The following HPCAL1 variants were observed in gnomAD, a reference collection of about 807,000 sequenced individuals.
HPCAL1 encodes the protein hippocalcin like 1.
A neutral mutation model predicts 17.1 loss-of-function variants in HPCAL1; 8 were observed. That is an observed-to-expected ratio of 0.47 (90% CI 0.27 to 0.84). The LOEUF is 0.84. Among genes scored for constraint, HPCAL1 ranks in the 40% least tolerant of loss-of-function variants. The probability of loss-of-function intolerance (pLI) is 0.13; values close to 1 mark genes in which losing one functional copy is unlikely to be tolerated. For synonymous variants in HPCAL1, 112 were observed against 111.4 expected, an observed-to-expected ratio of 1.01 and a Z score of -0.03; for missense variants, 165 against 271.1, an observed-to-expected ratio of 0.61 and a Z score of 2.75.
chr2:10,403,454 TTGTGTGTGTGTGTGTGTGTGTGTG>T (rs70948890), intron 2 of HPCAL1, among the ~76,000 whole-genome samples: 2 of 65,106 alleles, frequency 3.1e-5, no homozygotes, highest in Non-Finnish European at 5.1e-5. Flanking sequence ...AAGAGTTCTT[TTGTGTGTGTGTGTGTGTGTGTGTG>T]TGTGTGTGTG....
chr2:10,404,909 C>T (rs1019883949), intron 2 of HPCAL1, among the ~76,000 whole-genome samples: 3 of 152,006 alleles, frequency 2.0e-5, no homozygotes, highest in African/African-American at 7.2e-5. Flanking sequence ...GAGATTCCAC[C>T]GAGCCCAGGC....
intron 1 of HPCAL1, among the ~76,000 whole-genome samples, chr2:10,346,892 G>T (rs1221967703): frequency 7.7e-6 from 1 of 130,434 alleles, no homozygotes; most frequent in Admixed American, 1.0e-4. Context: ...TCTAACTGGG[G>T]TCAGGACCAC....
intron 1 of HPCAL1, among the ~76,000 whole-genome samples, chr2:10,311,282 G>A (rs769332226): frequency 2.6e-5 from 4 of 152,218 alleles, no homozygotes; most frequent in Admixed American, 6.5e-5. Flanking sequence ...GCCTCCAGGG[G>A]TGGGACATGA....
chr2:10,307,299 C>T (rs936846901), intron 1 of HPCAL1, among the ~76,000 whole-genome samples: 1 of 152,216 alleles, frequency 6.6e-6, no homozygotes, highest in African/African-American at 2.4e-5. Flanking sequence ...TCAGTACTCT[C>T]TTGCCCTAGC....
intron 1 of HPCAL1, among the ~76,000 whole-genome samples, chr2:10,340,540 G>A (rs1223763833): frequency 6.6e-6 from 1 of 152,220 alleles, no homozygotes; most frequent in Admixed American, 6.5e-5. Flanking sequence ...AACATCCCAG[G>A]AGGGGGTGTC....
Position 10,377,531 on chromosome 2 carries a change from C to T in HPCAL1, c.-110-19304C>T, listed in dbSNP as rs964149859. Among the ~76,000 whole-genome samples, 17 of 152,216 alleles carry T rather than the reference C, an allele frequency of 1.1e-4. No individual in the cohort carries two copies. In the Middle Eastern group the frequency reaches 0.01, roughly 91 times the overall value. On this transcript the variant is annotated intron_variant, in intron 1 of 4. Transcript: ENST00000307845. The surrounding 1 kb of genome is among the most constrained non-coding windows in gnomAD (Gnocchi z 5.9). ...CCTGTCCTTTCACGCACTGTCTGCC[C>T]GCACACACTCTTCCACCCTCTGTCG...
chr2:10,406,112 C>T (rs561256184), intron 2 of HPCAL1, among the ~76,000 whole-genome samples: 5 of 152,338 alleles, frequency 3.3e-5, no homozygotes, highest in East Asian at 3.9e-4. Flanking sequence ...TCATGCTCCG[C>T]GCTAATTCCT....
At position 10,334,694 on chromosome 2, in the gene HPCAL1, A is replaced by ATTTTTTTTTTTTTT. The variant is rs1274304432; in HGVS notation, c.-111+31517_-111+31518insTTTTTTTTTTTTTT. Among the ~76,000 whole-genome samples, 9 of 122,694 alleles carry ATTTTTTTTTTTTTT rather than the reference A, an allele frequency of 7.3e-5. 1 individual carries two copies. The highest frequency in any genetic ancestry group is 2.7e-4 in the South Asian group (1 of 3,702). 80.5% of individuals were successfully genotyped at this position (122,694 alleles called of 152,430 possible). ...TTAACTGCTGTATACAATTCCATTG[A>ATTTTTTTTTTTTTT]CTTTTTTTTGAGGCAGGGTCTCGCT... On this transcript the variant is annotated intron_variant, in intron 1 of 4. Coordinates refer to ENST00000307845, the MANE Select transcript of HPCAL1 (RefSeq NM_002149.4).
Position 10,354,978 on chromosome 2 carries a change from TGAG to T in HPCAL1, c.-110-41851_-110-41849del, listed in dbSNP as rs1453268531. ...GTGTTAGGTGCTGCAGAGATGAAGATGAGGAGGATGATGGCCTGTGCCCAGGCA... is the reference window on the plus strand; with the variant it reads ...GTGTTAGGTGCTGCAGAGATGAAGATGAGGATGATGGCCTGTGCCCAGGCA... On this transcript the variant is annotated intron_variant, in intron 1 of 4. Coordinates refer to ENST00000307845, the MANE Select transcript of HPCAL1 (RefSeq NM_002149.4). This position sits in a 1 kb window ranked among gnomAD's most constrained non-coding sequence, Gnocchi z 5.1. Among the ~76,000 whole-genome samples the T allele has an allele frequency of 3.3e-5, 5 of 152,242 alleles. No homozygotes were observed. Among genetic ancestry groups the T allele is most frequent in the African/African-American group, 1.2e-4 (5 of 41,554 alleles).
chr2:10,419,997 C>T lies in HPCAL1; in HGVS notation c.240C>T (p.Ile80=), dbSNP rs1038501068. The change falls in exon 3 of 5, where the codon ATC becomes ATT. Residue 80 remains isoleucine, a synonymous_variant. Transcript: ENST00000307845. The surrounding 1 kb of genome is among the most constrained non-coding windows in gnomAD (Gnocchi z 5.0). ...RTFDTNGDGT[I]DFREFIIALS... Reference sequence around the variant, plus strand: ...TCGACACCAACGGCGACGGCACCATCGACTTCCGGGAGTTCATCATTGCGC... The same window carrying T: ...TCGACACCAACGGCGACGGCACCATTGACTTCCGGGAGTTCATCATTGCGC... The T allele has an allele frequency of 6.2e-7, 1 of 1,614,024 alleles. No homozygotes were observed. Among genetic ancestry groups the T allele is most frequent in the African/African-American group, 1.3e-5 (1 of 75,066 alleles).
chr2:10,405,140 C>T (rs1308169186), intron 2 of HPCAL1, among the ~76,000 whole-genome samples: 1 of 152,220 alleles, frequency 6.6e-6, no homozygotes, highest in Admixed American at 6.5e-5. Context: ...AAAATAAGGC[C>T]CAGAGAAGTT....
Position 10,359,760 on chromosome 2 carries a change from C to T in HPCAL1, c.-110-37075C>T, listed in dbSNP as rs1016219288. 6.6e-6 allele frequency among the ~76,000 whole-genome samples: 1 copy of T among 152,184 alleles called. No individual in the cohort carries two copies. Among genetic ancestry groups the T allele is most frequent in the Admixed American group, 6.5e-5 (1 of 15,282 alleles). ...CTCCACTCTGAGGAAGGGGCCTTAC[C>T]CAGATCCCCGTGTCCCCCACAGCGG... On this transcript the variant is annotated intron_variant, in intron 1 of 4. Coordinates refer to ENST00000307845, the MANE Select transcript of HPCAL1 (RefSeq NM_002149.4). This position sits in a 1 kb window ranked among gnomAD's most constrained non-coding sequence, Gnocchi z 4.1.
At chr2:10,420,424 A>G (rs1034678060) in intron 3 of HPCAL1, among the ~76,000 whole-genome samples, 13 of 151,950 alleles carry the variant, frequency 8.6e-5, no homozygotes, top group African/African-American at 3.1e-4. Context: ...TTGAACTCCT[A>G]GGCTCAAGCG....
intron 1 of HPCAL1, among the ~76,000 whole-genome samples, chr2:10,364,568 C>G (rs1666728122): frequency 6.6e-6 from 1 of 151,930 alleles, no homozygotes; most frequent in African/African-American, 2.4e-5. Flanking sequence ...ACGGCCTCCT[C>G]TCCTAAGCTC....
intron 1 of HPCAL1, among the ~76,000 whole-genome samples, chr2:10,381,905 T>C (rs1572766923): frequency 6.6e-6 from 1 of 152,206 alleles, no homozygotes; most frequent in Non-Finnish European, 1.5e-5. Flanking sequence ...GATCCAACAA[T>C]CATGCTCCTT....
intron 1 of HPCAL1, among the ~76,000 whole-genome samples, chr2:10,383,258 G>A (rs1333374781): frequency 2.0e-5 from 3 of 151,854 alleles, no homozygotes; most frequent in Non-Finnish European, 2.9e-5. Flanking sequence ...TGTGGTCCCA[G>A]CTACTCAGGA....
At chr2:10,411,419 C>T (rs1406056553) in intron 2 of HPCAL1, among the ~76,000 whole-genome samples, 3 of 152,200 alleles carry the variant, frequency 2.0e-5, no homozygotes, top group Non-Finnish European at 4.4e-5. Context: ...TTCCCAGCTC[C>T]TAGAATCTTC....
intron 1 of HPCAL1, among the ~76,000 whole-genome samples, chr2:10,305,974 G>C (rs925883497): frequency 1.3e-5 from 2 of 152,200 alleles, no homozygotes; most frequent in African/African-American, 2.4e-5. Context: ...TCTGCAGCGC[G>C]GGTACAGTGC....
chr2:10,366,878 C>A (rs994238228), intron 1 of HPCAL1, among the ~76,000 whole-genome samples: 1 of 152,144 alleles, frequency 6.6e-6, no homozygotes, highest in Non-Finnish European at 1.5e-5. Context: ...ATGCTGGGGC[C>A]GGGGGCAGCT....
Sources: allele counts gnomAD v4.1 joint callset (sites outside exome capture counted in the v4.1 genomes callset), GRCh38; gene constraint gnomAD v4.1.1; non-coding constraint Gnocchi (gnomAD v3.1); transcripts MANE v1.5; gene names NCBI Gene and HGNC (gene_info 2026-07-23, HGNC 2026-07-21).